NKAIN2: variants seen among roughly 807,000 people sequenced by gnomAD.
The protein encoded by NKAIN2 is sodium/potassium transporting ATPase interacting 2, also known as sodium/potassium-transporting ATPase subunit beta-1-interacting protein 2.
In NKAIN2, 14 loss-of-function variants were observed where a neutral mutation model predicts 32.6. That is an observed-to-expected ratio of 0.43 (90% confidence interval 0.28 to 0.67). The LOEUF is 0.67. Ranked by LOEUF, NKAIN2 falls within the 30% of genes least tolerant of loss-of-function variation. The pLI is 0.17. For missense variants in NKAIN2, 198 were observed against 258.3 expected (o/e 0.77, Z 1.60); for synonymous variants, 80 against 87.2 (o/e 0.92, Z 0.46).
At chr6:124,389,353 T>A (rs1313843853) in intron 3 of NKAIN2, among the ~76,000 whole-genome samples, 1 of 152,122 alleles carries the variant, frequency 6.6e-6, no homozygotes, top group Admixed American at 6.6e-5. Flanking sequence ...AAATTCTGCC[T>A]CAGCAATGCT....
intron 3 of NKAIN2, among the ~76,000 whole-genome samples, chr6:124,405,081 A>G (rs558085454): frequency 6.6e-6 from 1 of 152,196 alleles, no homozygotes; most frequent in South Asian, 2.1e-4. Flanking sequence ...CCACTGCACT[A>G]CTTTTGACAA....
intron 1 of NKAIN2, among the ~76,000 whole-genome samples, chr6:124,080,385 G>A (rs542563948): frequency 6.6e-6 from 1 of 152,054 alleles, no homozygotes; most frequent in Admixed American, 6.6e-5. Context: ...GTGAGTTACA[G>A]TTTTCATTGT....
intron 3 of NKAIN2, among the ~76,000 whole-genome samples, chr6:124,520,365 T>G (rs1779076636): frequency 6.6e-6 from 1 of 152,184 alleles, no homozygotes; most frequent in African/African-American, 2.4e-5. Flanking sequence ...TTCTTCCCAT[T>G]GGCTATCATG....
chr6:124,053,058 A>G (rs1358714859), intron 1 of NKAIN2, among the ~76,000 whole-genome samples: 1 of 152,044 alleles, frequency 6.6e-6, no homozygotes, highest in East Asian at 1.9e-4. Context: ...GTAAGAAGCA[A>G]TTATAATTAA....
At chr6:123,945,485 T>C (rs1777022953) in intron 1 of NKAIN2, among the ~76,000 whole-genome samples, 1 of 152,098 alleles carries the variant, frequency 6.6e-6, no homozygotes, top group African/African-American at 2.4e-5. Context: ...CCTCTAAAGT[T>C]CCTCAAAATT....
chr6:124,301,108 A>G lies in NKAIN2; in HGVS notation c.192+17966A>G, dbSNP rs950644460. On this transcript the variant is annotated intron_variant, in intron 2 of 6. Transcript: ENST00000368417. ...CAAAAATGGTTTCCTGGCCCAGTCC[A>G]GGGCCCCTCTCCTGTGTGCCACCTA... is the stretch of plus-strand genomic sequence containing the variant. Among the ~76,000 whole-genome samples the G allele has an allele frequency of 5.9e-5, 9 of 152,084 alleles. No individual in the cohort carries two copies. In the South Asian group the frequency reaches 8.3e-4, roughly 14 times the overall value.
chr6:123,969,318 G>A (rs2114631983), intron 1 of NKAIN2, among the ~76,000 whole-genome samples: 1 of 152,230 alleles, frequency 6.6e-6, no homozygotes, highest in Admixed American at 6.5e-5. Flanking sequence ...GAATAAGGAT[G>A]GAGTTAAAAA....
At chr6:124,376,497 G>A (rs913273756) in intron 3 of NKAIN2, among the ~76,000 whole-genome samples, 2 of 152,100 alleles carry the variant, frequency 1.3e-5, no homozygotes. Context: ...CTCCTGCAAG[G>A]AGAATTAGCA....
At chr6:124,139,368 G>A (rs1582721166) in intron 1 of NKAIN2, among the ~76,000 whole-genome samples, 1 of 151,794 alleles carries the variant, frequency 6.6e-6, no homozygotes, top group South Asian at 2.1e-4. Flanking sequence ...GATTACAGGC[G>A]TGAGCCACCG....
intron 1 of NKAIN2, among the ~76,000 whole-genome samples, chr6:123,959,764 C>T (rs1195890266): frequency 1.3e-5 from 2 of 151,332 alleles, no homozygotes; most frequent in African/African-American, 4.9e-5. Flanking sequence ...GAAGACATGT[C>T]TCATGATCTT....
At chr6:124,523,656 A>AGG (rs1359280973) in intron 3 of NKAIN2, among the ~76,000 whole-genome samples, 2 of 152,170 alleles carry the variant, frequency 1.3e-5, no homozygotes, top group South Asian at 2.1e-4. Flanking sequence ...AGACTACCAA[A>AGG]GGGATATATG....
intron 1 of NKAIN2, among the ~76,000 whole-genome samples, chr6:124,248,586 A>G (rs1207374587): frequency 6.6e-6 from 1 of 152,024 alleles, no homozygotes; most frequent in Non-Finnish European, 1.5e-5. Context: ...TCTGTGCTGT[A>G]CTTTATTATT....
chr6:124,490,662 T>C (rs719760), intron 3 of NKAIN2, among the ~76,000 whole-genome samples: 10,707 of 151,790 alleles, frequency 0.071, 408 homozygotes, highest in East Asian at 0.15. Flanking sequence ...TCACTGAATA[T>C]ATCAGGCAGG....
intron 6 of NKAIN2, chr6:124,819,200 G>A: frequency 3.2e-6 from 2 of 619,530 alleles, no homozygotes; most frequent in Non-Finnish European, 4.0e-6. Context: ...ATTTTAAAAT[G>A]TGAACTTCTC....
chr6:124,338,833 G>A (rs1007441089), intron 2 of NKAIN2, among the ~76,000 whole-genome samples: 1 of 152,144 alleles, frequency 6.6e-6, no homozygotes, highest in African/African-American at 2.4e-5. Context: ...CTGAAGTAGT[G>A]ATGTAATTGC....
chr6:124,718,331 A>G (rs561161768), intron 4 of NKAIN2, among the ~76,000 whole-genome samples: 2 of 152,234 alleles, frequency 1.3e-5, no homozygotes, highest in Non-Finnish European at 2.9e-5. Context: ...ATCATACGAC[A>G]TGTTGTCTTT....
chr6:124,366,928 G>GAA (rs5879729), intron 3 of NKAIN2, among the ~76,000 whole-genome samples: 13 of 131,926 alleles, frequency 9.9e-5, no homozygotes, highest in Admixed American at 6.9e-4. Flanking sequence ...ACCCTGTCTC[G>GAA]AAAAAAAAAA....
intron 3 of NKAIN2, among the ~76,000 whole-genome samples, chr6:124,612,586 G>GT (rs879440796): frequency 6.6e-6 from 1 of 152,108 alleles, no homozygotes; most frequent in African/African-American, 2.4e-5. Context: ...CCCAACTTCA[G>GT]TTTCCACAAT....
intron 1 of NKAIN2, among the ~76,000 whole-genome samples, chr6:123,998,981 A>C (rs927727569): frequency 1.3e-5 from 2 of 152,020 alleles, no homozygotes; most frequent in Non-Finnish European, 2.9e-5. Flanking sequence ...TTATATTAAT[A>C]AAATTAATTA....
Sources: gnomAD v4.1 joint callset for allele counts (sites outside exome capture counted in the v4.1 genomes callset) on GRCh38, gnomAD v4.1.1 for gene constraint, MANE v1.5 for transcripts, NCBI Gene and HGNC (gene_info 2026-07-23, HGNC 2026-07-21) for gene names.